The following TMEM181 variants were observed in gnomAD, a reference collection of about 807,000 sequenced individuals.
The protein encoded by TMEM181 is transmembrane protein 181, also known as G protein-coupled receptor 178.
Under a neutral mutation model 71.9 loss-of-function variants are expected in TMEM181, and 39 were observed. The observed-to-expected ratio is 0.54, with a 90% CI of 0.42 to 0.71. The LOEUF (loss-of-function observed/expected upper bound fraction) is 0.71, where lower values mean the gene tolerates loss of function less well. Among genes scored for constraint, TMEM181 ranks in the 30% least tolerant of loss-of-function variants. TMEM181 has a pLI of 0.00. For missense variants in TMEM181, 595 were observed against 583.0 expected (o/e 1.02, Z -0.21); for synonymous variants, 245 against 228.8 (o/e 1.07, Z -0.64).
chr6:158,631,194 C>A, intron 15 of TMEM181, 129 bp from the exon 16 acceptor site: 1 of 930,502 alleles, frequency 1.1e-6, no homozygotes, highest in South Asian at 1.4e-5. Context: ...CAGGTTTATA[C>A]AGACATGGCA....
At chr6:158,605,114 CAAA>C (rs71812545) in intron 6 of TMEM181, among the ~76,000 whole-genome samples, 150 bp from the exon 7 acceptor site, 4 of 41,890 alleles carry the variant, frequency 9.5e-5, no homozygotes, top group Admixed American at 2.9e-4. Context: ...ACTCCATATC[CAAA>C]AAAAAAAAAA....
intron 2 of TMEM181, among the ~76,000 whole-genome samples, chr6:158,577,059 C>G (rs1331102510): frequency 3.5e-5 from 3 of 85,564 alleles, no homozygotes; most frequent in African/African-American, 1.7e-4. Context: ...AAGACTCCAT[C>G]TCAAAAAAAA....
intron 10 of TMEM181, chr6:158,611,100 G>C: frequency 2.0e-6 from 1 of 495,168 alleles, no homozygotes; most frequent in South Asian, 1.6e-5. Flanking sequence ...ACTGTCCTTT[G>C]GTCCCCAAGG....
At chr6:158,581,975 T>A (rs1168542259) in intron 3 of TMEM181, among the ~76,000 whole-genome samples, 1 of 152,140 alleles carries the variant, frequency 6.6e-6, no homozygotes, top group Non-Finnish European at 1.5e-5. Flanking sequence ...TAAATCTGAT[T>A]GTATGACCCC....
chr6:158,573,364 C>G, intron 1 of TMEM181, 56 bp from the exon 2 acceptor site: 1 of 1,414,260 alleles, frequency 7.1e-7, no homozygotes, highest in South Asian at 1.2e-5. Flanking sequence ...GGGCCGCTTT[C>G]CTGTGACCTC....
intron 12 of TMEM181, 30 bp downstream of exon 12, chr6:158,625,236 G>T (rs1562314719): frequency 6.3e-7 from 1 of 1,599,302 alleles, no homozygotes; most frequent in East Asian, 2.2e-5. Flanking sequence ...TCGGTGCAGG[G>T]GTGGCTTGGG....
intron 6 of TMEM181, among the ~76,000 whole-genome samples, chr6:158,603,928 G>T (rs996488197): frequency 2.6e-5 from 4 of 152,116 alleles, no homozygotes; most frequent in African/African-American, 9.7e-5. Flanking sequence ...AATTTCCTTG[G>T]AAATGGTTTG....
intron 3 of TMEM181, among the ~76,000 whole-genome samples, chr6:158,582,093 T>G (rs1783516926): frequency 6.6e-6 from 1 of 152,212 alleles, no homozygotes; most frequent in African/African-American, 2.4e-5. Flanking sequence ...CATTTGATTT[T>G]TCTCTTTGCT....
chr6:158,576,469 G>A (rs575506085), intron 2 of TMEM181, among the ~76,000 whole-genome samples: 1 of 152,004 alleles, frequency 6.6e-6, no homozygotes, highest in African/African-American at 2.4e-5. Flanking sequence ...TTAAAGGGCT[G>A]GCACTTTTTT....
At chr6:158,583,417 T>A (rs1389525030) in intron 3 of TMEM181, among the ~76,000 whole-genome samples, 1 of 152,200 alleles carries the variant, frequency 6.6e-6, no homozygotes, top group Non-Finnish European at 1.5e-5. Flanking sequence ...AATGTCTGCT[T>A]AGAGATTTCT....
chr6:158,622,408 C>T (rs570672407), intron 10 of TMEM181, among the ~76,000 whole-genome samples: 6 of 151,690 alleles, frequency 4.0e-5, no homozygotes, highest in African/African-American at 1.5e-4. Flanking sequence ...TGTGATATGT[C>T]GGGAGGGTCA....
At chr6:158,563,074 C>T (rs1036265009) in intron 1 of TMEM181, among the ~76,000 whole-genome samples, 4 of 152,182 alleles carry the variant, frequency 2.6e-5, no homozygotes, top group African/African-American at 7.2e-5. Flanking sequence ...CACGTCACAA[C>T]GGATTTAATT....
At chr6:158,573,809 A>G (rs1783013084) in intron 2 of TMEM181, among the ~76,000 whole-genome samples, 1 of 152,046 alleles carries the variant, frequency 6.6e-6, no homozygotes, top group Non-Finnish European at 1.5e-5. Flanking sequence ...AACGTTTCTA[A>G]TCTGCTGTGC....
At chr6:158,625,941 G>C (rs1164990513) in intron 13 of TMEM181, among the ~76,000 whole-genome samples, 187 bp downstream of exon 13, 1 of 152,202 alleles carries the variant, frequency 6.6e-6, no homozygotes, top group Non-Finnish European at 1.5e-5. Context: ...GCATGTTTTT[G>C]TTGTAAGCGG....
In TMEM181 at chr6:158,601,758, GA is replaced by G. The variant is rs796451394; in HGVS notation, c.493-3492del. Among the ~76,000 whole-genome samples the G allele has an allele frequency of 2.9e-3, 283 of 96,042 alleles. 2 individuals carry two copies. The highest frequency in any genetic ancestry group is 6.8e-3 in the Middle Eastern group (1 of 148). The allele number at this position is 96,042 out of a possible 152,430, so 63.0% of individuals were successfully genotyped here. A position where few individuals can be genotyped will look rare whatever the true frequency, so the allele number is the denominator to read the frequency against. ...TGGGTGGCAGAGCAAGACTGTCTCA[GA>G]AAAAAAAAAAAAAAAACAAGGCTAA... On this transcript the variant is annotated intron_variant, in intron 6 of 16. Transcript: ENST00000684151.
chr6:158,560,228 G>A lies in TMEM181; in HGVS notation c.4G>A (p.Glu2Lys). 4 of 984,946 alleles carry A rather than the reference G, an allele frequency of 4.1e-6. No homozygotes were observed. The highest frequency in any genetic ancestry group is 4.8e-6 in the Non-Finnish European group (4 of 829,776). 61.0% of individuals were successfully genotyped at this position (984,946 alleles called of 1,614,324 possible). ...GCCGAGGGCTCTGGGCGCCGAGATG[G>A]AGCCGTGAGTCCCCGGCCGAGCGGG... The part of the protein sequence containing the change: M[E>K]PLAPMRLYTL... The change falls in exon 1 of 17, where the codon GAG (glutamate) becomes AAG (lysine). Residue 2 changes from glutamate (E) to lysine (K), a missense_variant. Physicochemically the swap from Glu to Lys is moderately conservative, Grantham distance 56. Transcript: ENST00000684151.
At chr6:158,563,930 C>T (rs752494026) in intron 1 of TMEM181, among the ~76,000 whole-genome samples, 25 of 152,014 alleles carry the variant, frequency 1.6e-4, no homozygotes, top group Non-Finnish European at 2.2e-4. Context: ...TACAGGTGCG[C>T]GCCACCACAC....
intron 1 of TMEM181, among the ~76,000 whole-genome samples, chr6:158,568,622 G>T (rs1283307132): frequency 6.6e-6 from 1 of 152,214 alleles, no homozygotes; most frequent in African/African-American, 2.4e-5. Context: ...ATCAGAGAGG[G>T]CCATGGGCTC....
chr6:158,619,617 T>A lies in TMEM181; in HGVS notation c.897-3933T>A, dbSNP rs747110352. 1.1e-4 allele frequency among the ~76,000 whole-genome samples: 17 copies of A among 152,032 alleles called. No homozygotes were observed. The South Asian group carries it at 1.5e-3, about 13-fold the overall frequency. ...CAGGCGCGGTGGCTCACGCCTATAA[T>A]CCCAGCACTTTGGGAGGCCAGTGCA... On this transcript the variant is annotated intron_variant, in intron 10 of 16. Transcript: ENST00000684151.
Sources: allele counts gnomAD v4.1 joint callset (sites outside exome capture counted in the v4.1 genomes callset), GRCh38; gene constraint gnomAD v4.1.1; transcripts MANE v1.5; gene names NCBI Gene and HGNC (gene_info 2026-07-23, HGNC 2026-07-21).